Variants in HYDIN observed in about 807,000 individuals in gnomAD.
The protein encoded by HYDIN is axonemal central pair apparatus protein HYDIN.
HYDIN carries 132 observed loss-of-function variants against 403.9 expected under a neutral mutation model. That is an observed-to-expected ratio of 0.33 (90% CI 0.28 to 0.38). HYDIN has a LOEUF of 0.38. Ranked by LOEUF, HYDIN falls within the 10% of genes least tolerant of loss-of-function variation. The pLI, the probability that HYDIN is intolerant of heterozygous loss-of-function variation, is 1.00. For synonymous variants in HYDIN, 1,202 were observed against 1,891.7 expected (o/e 0.64, Z 9.46); for missense variants, 2,827 against 5,009.5 (o/e 0.56, Z 13.15).
At chr16:71,137,433 G>C in intron 7 of HYDIN, 81 bp from the exon 8 acceptor site, 2 of 501,010 alleles carry the variant, frequency 4.0e-6, no homozygotes, top group Non-Finnish European at 7.2e-6. Context: ...TCAAGCTGAA[G>C]TTAGGCAAAA....
chr16:71,168,982 T>C (rs1278407564), intron 5 of HYDIN, among the ~76,000 whole-genome samples: 1 of 152,202 alleles, frequency 6.6e-6, no homozygotes, highest in Non-Finnish European at 1.5e-5. Flanking sequence ...AACTACCATA[T>C]GATCTAGCAA....
In HYDIN at chr16:70,871,506, A is replaced by C. The variant is rs1433195095; in HGVS notation, c.11091+531T>G. ...GCTTTAGTCAGCAATTCAAAAAAAA[A>C]ATGTGTGTTGTGGAGATGCTAAAAG... On this transcript the variant is annotated intron_variant, in intron 65 of 85. Transcript: ENST00000393567. Among the ~76,000 whole-genome samples the C allele has an allele frequency of 3.9e-5, 6 of 152,200 alleles. No homozygotes were observed. In the South Asian group the frequency reaches 1.2e-3, roughly 32 times the overall value.
rs766444886 is a variant in HYDIN, at chr16:70,818,911, GCTTT to G, written c.14428-343_14428-340del. On this transcript the variant is annotated intron_variant, in intron 83 of 85. Transcript: ENST00000393567. ...AGACCTTTGAGGTAACTTTCAATGG[GCTTT>G]CTTTCTTTCTTTCTTTCGAGAAGGA... 1.3e-4 allele frequency among the ~76,000 whole-genome samples: 20 copies of G among 152,160 alleles called. No homozygotes were observed. In the South Asian group the frequency reaches 1.7e-3, roughly 13 times the overall value.
At chr16:70,978,831 G>T (rs2078962652) in intron 30 of HYDIN, 83 bp downstream of exon 30, 11 of 1,035,178 alleles carry the variant, frequency 1.1e-5, no homozygotes, top group Admixed American at 4.4e-5. Context: ...TGTGCACACA[G>T]TGCCCTCTGC....
chr16:71,008,615 G>C (rs1257125564), intron 23 of HYDIN, among the ~76,000 whole-genome samples: 1 of 150,732 alleles, frequency 6.6e-6, no homozygotes, highest in African/African-American at 2.4e-5. Flanking sequence ...CCAATGTAAA[G>C]ATGTGAACTG....
intron 53 of HYDIN, among the ~76,000 whole-genome samples, chr16:70,897,388 C>T (rs1179659003): frequency 6.6e-6 from 1 of 152,184 alleles, no homozygotes; most frequent in African/African-American, 2.4e-5. Context: ...AGGAAATTTG[C>T]AGCTGTCACC....
intron 23 of HYDIN, among the ~76,000 whole-genome samples, chr16:70,999,181 A>G (rs1238684870): frequency 1.3e-5 from 2 of 152,222 alleles, no homozygotes; most frequent in African/African-American, 4.8e-5. Flanking sequence ...TTGGCTGGCC[A>G]TTGGGATCCT....
chr16:70,875,024 G>A (rs1308434125), intron 62 of HYDIN, 105 bp from the exon 63 acceptor site: 4 of 1,134,256 alleles, frequency 3.5e-6, no homozygotes, highest in Admixed American at 6.2e-5. Flanking sequence ...CCCCAAAAAG[G>A]TATTATGCCT....
At chr16:70,933,430 TGAA>T (rs1164083342) in intron 45 of HYDIN, 2 of 144,346 alleles carry the variant, frequency 1.4e-5, no homozygotes, top group African/African-American at 5.1e-5. Flanking sequence ...AGGGACAATC[TGAA>T]GAAGTGTCAG....
chr16:71,202,809 T>C (rs2088087291), intron 1 of HYDIN, among the ~76,000 whole-genome samples: 1 of 152,232 alleles, frequency 6.6e-6, no homozygotes, highest in South Asian at 2.1e-4. Flanking sequence ...AAAATATTTC[T>C]TTTGGCTATC....
intron 1 of HYDIN, among the ~76,000 whole-genome samples, chr16:71,217,662 T>C (rs868860964): frequency 2.0e-5 from 3 of 152,230 alleles, no homozygotes; most frequent in South Asian, 2.1e-4. Context: ...AAGGTGCAGA[T>C]GGTTAATTGC....
Position 70,985,246 on chromosome 16 carries a change from G to C in HYDIN, c.4271C>G (p.Thr1424Ser). Residue 1424 changes from threonine to serine, a missense_variant, in exon 28 of 86, where the codon ACT (threonine) becomes AGT (serine). Thr to Ser is a moderately conservative substitution (Grantham distance 58). Coordinates refer to ENST00000393567, the MANE Select transcript of HYDIN (RefSeq NM_001270974.2). Reference protein sequence around the residue: ...GKVGFEFKVLTDHQSSPDNLL... With the variant: ...GKVGFEFKVLSDHQSSPDNLL... ...GTTGTCTGGAGAAGACTGGTGGTCA[G>C]TCAGAACCTTGAACTCAAAGCCAAC... is the stretch of plus-strand genomic sequence containing the variant. The C allele has an allele frequency of 6.3e-7, 1 of 1,576,846 alleles. No homozygotes were observed. Among genetic ancestry groups the C allele is most frequent in the Non-Finnish European group, 8.7e-7 (1 of 1,148,932 alleles).
rs377411172 is a variant in HYDIN at position 70,943,891 on chromosome 16, C to T, written c.6590G>A (p.Ser2197Asn). 4.3e-5 allele frequency: 70 copies of T among 1,613,602 alleles called. No individual in the cohort carries two copies. Among genetic ancestry groups the T allele is most frequent in the South Asian group, 1.1e-4 (10 of 91,010 alleles). The change falls in exon 42 of 86, where the codon AGT (serine) becomes AAT (asparagine). Residue 2197 changes from serine to asparagine, a missense_variant. Coordinates refer to ENST00000393567, the MANE Select transcript of HYDIN (RefSeq NM_001270974.2). Reference sequence around the variant, plus strand: ...CATCAGCCCGGTCTCGCCTCCGACACTGGGACTAACACTGAGCCAGCGGTG... The same window carrying T: ...CATCAGCCCGGTCTCGCCTCCGACATTGGGACTAACACTGAGCCAGCGGTG... ...PIHRWLSVSP[S>N]VGGETGLMSC...
intron 8 of HYDIN, chr16:71,133,387 G>A (rs954262768): frequency 4.5e-5 from 17 of 377,106 alleles, no homozygotes; most frequent in Non-Finnish European, 8.2e-5. Context: ...GCAGTACCAC[G>A]TAAATCTTCG....
intron 8 of HYDIN, among the ~76,000 whole-genome samples, chr16:71,135,604 C>G (rs1163797835): frequency 6.6e-6 from 1 of 150,950 alleles, no homozygotes; most frequent in African/African-American, 2.4e-5. Flanking sequence ...ATTTTACTTT[C>G]TTTACTTGGA....
At chr16:70,900,875 C>T (rs1201201432) in intron 53 of HYDIN, 129 bp downstream of exon 53, 3 of 348,974 alleles carry the variant, frequency 8.6e-6, no homozygotes, top group Non-Finnish European at 1.5e-5. Flanking sequence ...CTGGGGATAT[C>T]GAAAGGGGAT....
rs746562979 is a variant in HYDIN, at chr16:71,129,670, G to T, written c.1197C>A (p.Phe399Leu). ...GCTCCACAGTGAAAACGTTATTGAA[G>T]AACAGCTTGCTGTCTCCCTGCACCA... Reference protein sequence around the residue: ...RRLVQGDSKLFFNNVFTVEPL... With the variant: ...RRLVQGDSKLLFNNVFTVEPL... Residue 399 changes from phenylalanine to leucine, a missense_variant, in exon 9 of 86, where the codon TTC becomes TTA. Transcript: ENST00000393567. 1 of 1,613,984 alleles carries T rather than the reference G, an allele frequency of 6.2e-7. No homozygotes were observed.
rs2087908711 is a variant in HYDIN, at chr16:71,200,004, C to T, written c.-23-13086G>A. Among the ~76,000 whole-genome samples, 4 of 152,138 alleles carry T rather than the reference C, an allele frequency of 2.6e-5. No individual in the cohort carries two copies. The South Asian group carries it at 8.3e-4, about 31-fold the overall frequency. ...GGTCATAAAGACCTTGCTAATAAAA[C>T]AGTTTGCAGTAAAGAAGCCGGCTAA... is the stretch of plus-strand genomic sequence containing the variant. On this transcript the variant is annotated intron_variant, in intron 1 of 85. Coordinates refer to ENST00000393567, the MANE Select transcript of HYDIN (RefSeq NM_001270974.2).
At position 70,834,009 on chromosome 16, in the gene HYDIN, G is replaced by C. The variant is rs780996622; in HGVS notation, c.13557C>G (p.Ser4519Arg). The C allele has an allele frequency of 2.5e-6, 4 of 1,605,346 alleles. No individual in the cohort carries two copies. The highest frequency in any genetic ancestry group is 2.2e-5 in the South Asian group (2 of 90,834). Residue 4519 changes from serine (S) to arginine (R), a missense_variant, in exon 79 of 86, where the codon AGC becomes AGG. Ser to Arg is a moderately radical substitution (Grantham distance 110). Coordinates refer to ENST00000393567, the MANE Select transcript of HYDIN (RefSeq NM_001270974.2). ...AGATCTCCAGGGCCTGGCAGCAGCC[G>C]CTAAGGAGGAAGAGGGGGCGCAGGA... ...MGLLRPLFLL[S>R]GCCQALEISL...
Sources: gnomAD v4.1 joint callset for allele counts (sites outside exome capture counted in the v4.1 genomes callset) on GRCh38, gnomAD v4.1.1 for gene constraint, MANE v1.5 for transcripts, NCBI Gene and HGNC (gene_info 2026-07-23, HGNC 2026-07-21) for gene names.